PCDH9: variants seen among roughly 807,000 people sequenced by gnomAD.
PCDH9 encodes protocadherin-9.
Under a neutral mutation model 70.6 loss-of-function variants are expected in PCDH9, and 24 were observed. The ratio of observed to expected loss-of-function variants is 0.34; its 90% CI spans 0.25 to 0.48. The LOEUF (loss-of-function observed/expected upper bound fraction) is 0.48, where lower values mean the gene tolerates loss of function less well. Among genes scored for constraint, PCDH9 ranks in the 20% least tolerant of loss-of-function variants. The probability of loss-of-function intolerance (pLI) is 0.99; values close to 1 mark genes in which losing one functional copy is unlikely to be tolerated. For synonymous variants in PCDH9, 562 were observed against 558.5 expected, an observed-to-expected ratio of 1.01 and a Z score of -0.09; for missense variants, 1,281 against 1,503.6, an observed-to-expected ratio of 0.85 and a Z score of 2.45.
chr13:66,865,109 A>T (rs1218755647), intron 3 of PCDH9, among the ~76,000 whole-genome samples: 10 of 152,164 alleles, frequency 6.6e-5, no homozygotes, highest in Admixed American at 6.5e-4. Context: ...TGCTTCATAA[A>T]ATAAAGTTTT....
intron 4 of PCDH9, among the ~76,000 whole-genome samples, chr13:66,622,250 C>A (rs945369012): frequency 6.6e-6 from 1 of 152,196 alleles, no homozygotes; most frequent in Non-Finnish European, 1.5e-5. Context: ...GGCTCCTGTG[C>A]GGCCGAGGAG....
chr13:66,596,540 T>C (rs1372840064), intron 4 of PCDH9, among the ~76,000 whole-genome samples: 1 of 151,704 alleles, frequency 6.6e-6, no homozygotes, highest in Non-Finnish European at 1.5e-5. Context: ...TTACACATAT[T>C]GCTAGACATT....
intron 4 of PCDH9, among the ~76,000 whole-genome samples, chr13:66,571,428 A>G (rs1461444336): frequency 1.3e-5 from 2 of 152,078 alleles, no homozygotes; most frequent in East Asian, 3.8e-4. Flanking sequence ...TAATGGCCAT[A>G]GATTGAATGT....
intron 3 of PCDH9, among the ~76,000 whole-genome samples, chr13:66,849,519 G>T (rs865792770): frequency 6.6e-4 from 84 of 127,680 alleles, no homozygotes; most frequent in East Asian, 4.2e-3. Flanking sequence ...TATATATATA[G>T]AGAGAGAGAG....
At chr13:66,542,240 C>T (rs1960990027) in intron 4 of PCDH9, among the ~76,000 whole-genome samples, 1 of 151,980 alleles carries the variant, frequency 6.6e-6, no homozygotes, top group Admixed American at 6.6e-5. Context: ...CACGAGACTA[C>T]AAAATTAGGT....
At chr13:66,622,830 C>T (rs1471787975) in intron 4 of PCDH9, among the ~76,000 whole-genome samples, 1 of 152,074 alleles carries the variant, frequency 6.6e-6, no homozygotes, top group Non-Finnish European at 1.5e-5. Flanking sequence ...TGTGCTTTCT[C>T]TCTTTGGAAT....
Position 66,815,791 on chromosome 13 carries a change from GA to G in PCDH9, c.3138+87712del, listed in dbSNP as rs1047747598. ...GGAGGGACAGAGAAGGGTGAGGATC[GA>G]AAAAAACTACCTATCAAGTACTGTG... On this transcript the variant is annotated intron_variant, in intron 3 of 4. Transcript: ENST00000377865. Among the ~76,000 whole-genome samples the G allele has an allele frequency of 3.3e-5, 5 of 152,072 alleles. No homozygotes were observed. In the South Asian group the frequency reaches 6.2e-4, roughly 19 times the overall value.
chr13:67,077,243 T>C (rs1345941218), intron 2 of PCDH9, among the ~76,000 whole-genome samples: 1 of 152,210 alleles, frequency 6.6e-6, no homozygotes. Flanking sequence ...CCTGTCACTC[T>C]CTTTTCTCCA....
chr13:66,531,290 G>A (rs1960442533), intron 4 of PCDH9, among the ~76,000 whole-genome samples: 1 of 151,926 alleles, frequency 6.6e-6, no homozygotes. Context: ...AGACTGGGAG[G>A]ATGCATCGCT....
At chr13:67,034,533 T>G (rs1239828121) in intron 2 of PCDH9, among the ~76,000 whole-genome samples, 1 of 152,144 alleles carries the variant, frequency 6.6e-6, no homozygotes, top group East Asian at 1.9e-4. Context: ...CAATGTACAT[T>G]GTATAATACG....
chr13:66,798,654 C>G (rs937036807), intron 3 of PCDH9, among the ~76,000 whole-genome samples: 1 of 152,208 alleles, frequency 6.6e-6, no homozygotes, highest in East Asian at 1.9e-4. Context: ...GCTTCATCTT[C>G]ATCGCCTTCC....
Position 67,079,284 on chromosome 13 carries a change from A to G in PCDH9, c.3036+146121T>C, listed in dbSNP as rs142250133. Among the ~76,000 whole-genome samples the G allele has an allele frequency of 3.6e-3, 549 of 152,300 alleles. 3 individuals are homozygous for G. Among genetic ancestry groups the G allele is most frequent in the African/African-American group, 0.013 (527 of 41,558 alleles). On this transcript the variant is annotated intron_variant, in intron 2 of 4. Transcript: ENST00000377865. ...AGAAAAGGTACATTAAAATATTATA[A>G]CAGTCAGAAATCTATAATTATCTAC...
intron 2 of PCDH9, among the ~76,000 whole-genome samples, chr13:67,102,372 T>C (rs2086451998): frequency 6.6e-6 from 1 of 152,102 alleles, no homozygotes; most frequent in African/African-American, 2.4e-5. Flanking sequence ...AAACTACACC[T>C]ACAATCCGAG....
chr13:66,362,000 T>C (rs1956479074), intron 4 of PCDH9, among the ~76,000 whole-genome samples: 1 of 152,126 alleles, frequency 6.6e-6, no homozygotes, highest in African/African-American at 2.4e-5. Context: ...AAAATTTTCA[T>C]TAAATTAGGG....
intron 2 of PCDH9, among the ~76,000 whole-genome samples, chr13:67,139,119 C>A (rs962214181): frequency 6.6e-6 from 1 of 152,180 alleles, no homozygotes; most frequent in Non-Finnish European, 1.5e-5. Context: ...TGACATCTGC[C>A]ATGTCTTATT....
intron 3 of PCDH9, among the ~76,000 whole-genome samples, chr13:66,646,234 T>C (rs2077769468): frequency 6.6e-6 from 1 of 152,226 alleles, no homozygotes; most frequent in Non-Finnish European, 1.5e-5. Flanking sequence ...CTTTTCAGGA[T>C]TGAATTATTA....
At chr13:67,207,588 TAGAAATCAAA>T (rs1281550706) in intron 2 of PCDH9, 2 of 152,332 alleles carry the variant, frequency 1.3e-5, no homozygotes, top group African/African-American at 2.4e-5. Context: ...ACTGTGTTTC[TAGAAATCAAA>T]AGATAATGGT....
At chr13:67,019,727 C>G (rs1348285630) in intron 2 of PCDH9, among the ~76,000 whole-genome samples, 1 of 152,044 alleles carries the variant, frequency 6.6e-6, no homozygotes, top group Non-Finnish European at 1.5e-5. Flanking sequence ...ACTAAGGAAA[C>G]TTCAGAGCTG....
intron 4 of PCDH9, among the ~76,000 whole-genome samples, chr13:66,414,399 G>A (rs1172496074): frequency 6.6e-6 from 1 of 152,172 alleles, no homozygotes; most frequent in Non-Finnish European, 1.5e-5. Flanking sequence ...GTCTGCTTCA[G>A]GTTCCTCACA....
Sources: allele counts gnomAD v4.1 joint callset (sites outside exome capture counted in the v4.1 genomes callset), GRCh38; gene constraint gnomAD v4.1.1; transcripts MANE v1.5; gene names NCBI Gene and HGNC (gene_info 2026-07-23, HGNC 2026-07-21).